Variants in MALT1 observed in about 807,000 individuals in gnomAD.
The protein encoded by MALT1 is mucosa-associated lymphoid tissue lymphoma translocation protein 1.
A neutral mutation model predicts 85.5 loss-of-function variants in MALT1; 36 were observed. The ratio of observed to expected loss-of-function variants is 0.42; its 90% CI spans 0.32 to 0.56. The LOEUF (loss-of-function observed/expected upper bound fraction) is 0.56, where lower values mean the gene tolerates loss of function less well. Ranked by LOEUF, MALT1 falls within the 20% of genes least tolerant of loss-of-function variation. MALT1 has a pLI of 0.10. For missense variants in MALT1, 716 were observed against 981.6 expected, an observed-to-expected ratio of 0.73 and a Z score of 3.62; for synonymous variants, 359 against 361.3, an observed-to-expected ratio of 0.99 and a Z score of 0.07.
intron 4 of MALT1, among the ~76,000 whole-genome samples, chr18:58,709,107 A>G (rs2054796628): frequency 6.6e-6 from 1 of 152,234 alleles, no homozygotes; most frequent in Non-Finnish European, 1.5e-5. Flanking sequence ...TTAATTGACA[A>G]TTCATACTAA....
intron 13 of MALT1, among the ~76,000 whole-genome samples, chr18:58,738,378 C>T (rs2055254514): frequency 6.6e-6 from 1 of 152,046 alleles, no homozygotes; most frequent in Non-Finnish European, 1.5e-5. Context: ...TTTTTTTCAA[C>T]TACTCTCCTG....
chr18:58,747,925 G>C lies in MALT1; in HGVS notation c.*83G>C. On this transcript the variant is annotated 3_prime_UTR_variant, in exon 17 of 17. Transcript: ENST00000649217. ...TACATAAAGTGAGACATTGTGAAAA[G>C]GCAAATTTGTATATGTAGAGAAAGA... 9.1e-7 allele frequency: 1 copy of C among 1,095,878 alleles called. No individual in the cohort carries two copies. Among genetic ancestry groups the C allele is most frequent in the South Asian group, 1.5e-5 (1 of 67,340 alleles). 67.9% of individuals were successfully genotyped at this position (1,095,878 alleles called of 1,614,324 possible). A position where few individuals can be genotyped will look rare whatever the true frequency, so the allele number is the denominator to read the frequency against.
intron 16 of MALT1, among the ~76,000 whole-genome samples, chr18:58,746,008 T>A (rs751476835): frequency 2.2e-4 from 3 of 13,424 alleles, no homozygotes; most frequent in Non-Finnish European, 4.8e-4. Flanking sequence ...TTAGTAACAT[T>A]AGAGTATATT....
At chr18:58,707,274 C>T (rs1470293744) in intron 4 of MALT1, among the ~76,000 whole-genome samples, 1 of 151,708 alleles carries the variant, frequency 6.6e-6, no homozygotes, top group Non-Finnish European at 1.5e-5. Flanking sequence ...GCCTTTTTCT[C>T]CAGATCCTTT....
At chr18:58,715,219 G>T (rs896339335) in intron 8 of MALT1, among the ~76,000 whole-genome samples, 7 of 152,092 alleles carry the variant, frequency 4.6e-5, no homozygotes, top group African/African-American at 1.4e-4. Context: ...TTTCTTTAAT[G>T]AACATTATGA....
intron 14 of MALT1, 35 bp from the exon 15 acceptor site, chr18:58,744,303 A>T (rs1568157342): frequency 6.6e-7 from 1 of 1,519,706 alleles, no homozygotes. Context: ...ATCATCAGAA[A>T]ACCTACCAAA....
At chr18:58,673,991 A>C (rs557487341) in intron 1 of MALT1, 1 of 152,216 alleles carries the variant, frequency 6.6e-6, no homozygotes, top group South Asian at 2.1e-4. Context: ...TAAAATTTTG[A>C]ATTTCTGGAC....
intron 8 of MALT1, 27 bp from the exon 9 acceptor site, chr18:58,715,908 A>C (rs1377276409): frequency 6.5e-7 from 1 of 1,545,358 alleles, no homozygotes; most frequent in Non-Finnish European, 8.9e-7. Context: ...TGGATCTTAC[A>C]TGTTTTGCTT....
intron 2 of MALT1, among the ~76,000 whole-genome samples, chr18:58,685,438 G>A (rs1427630420): frequency 6.6e-6 from 1 of 152,066 alleles, no homozygotes; most frequent in African/African-American, 2.4e-5. Flanking sequence ...ACTGTCATGT[G>A]GAGTTTCTCT....
intron 14 of MALT1, among the ~76,000 whole-genome samples, chr18:58,743,912 G>A (rs774753699): frequency 8.6e-5 from 13 of 151,934 alleles, no homozygotes; most frequent in East Asian, 5.8e-4. Context: ...AAAGCATTAC[G>A]TATATATAAA....
chr18:58,715,341 G>T (rs2054883995), intron 8 of MALT1, among the ~76,000 whole-genome samples: 1 of 152,094 alleles, frequency 6.6e-6, no homozygotes, highest in South Asian at 2.1e-4. Context: ...CAAAAATTTA[G>T]GTTTAAAAGA....
intron 13 of MALT1, 46 bp downstream of exon 13, chr18:58,735,375 G>T (rs375669956): frequency 3.3e-4 from 512 of 1,558,326 alleles, no homozygotes; most frequent in Non-Finnish European, 4.1e-4. Context: ...AAGGAGAGCA[G>T]GGGAGACACA....
At chr18:58,691,035 C>T in intron 2 of MALT1, 1 of 279,264 alleles carries the variant, frequency 3.6e-6, no homozygotes, top group African/African-American at 2.3e-5. Flanking sequence ...ACGTTATCCA[C>T]CACCTGGAAT....
intron 9 of MALT1, among the ~76,000 whole-genome samples, chr18:58,718,818 A>G (rs2054940525): frequency 6.6e-6 from 1 of 152,156 alleles, no homozygotes; most frequent in African/African-American, 2.4e-5. Context: ...AGTCGAGGAG[A>G]GTTAGAGAGG....
rs1318367214 is a variant in MALT1, at chr18:58,754,031, CCTTT to C, written c.*6192_*6195del. The stretch of plus-strand genomic sequence containing the variant: ...AGGCACCAGGGTAGCAGATAGAATG[CCTTT>C]CTGTGTGCTAGGTTTAAACATTTTA... On this transcript the variant is annotated 3_prime_UTR_variant, in exon 17 of 17. Coordinates refer to ENST00000649217, the MANE Select transcript of MALT1 (RefSeq NM_006785.4). 2 of 152,098 alleles carry C rather than the reference CCTTT, an allele frequency of 1.3e-5. No individual in the cohort carries two copies. The highest frequency in any genetic ancestry group is 2.9e-5 in the Non-Finnish European group (2 of 68,020). 9.4% of individuals were successfully genotyped at this position (152,098 alleles called of 1,614,324 possible).
intron 4 of MALT1, among the ~76,000 whole-genome samples, chr18:58,704,076 C>T (rs2054711753): frequency 6.6e-6 from 1 of 152,150 alleles, no homozygotes; most frequent in Non-Finnish European, 1.5e-5. Context: ...ATTCATTCTC[C>T]TGTTGATAGA....
chr18:58,696,576 C>T, intron 3 of MALT1, 89 bp downstream of exon 3: 3 of 1,126,104 alleles, frequency 2.7e-6, no homozygotes, highest in Non-Finnish European at 2.4e-6. Context: ...GTAGTTTTAA[C>T]AGTTTGGTAA....
Position 58,744,191 on chromosome 18 carries a change from G to A in MALT1, c.1754-147G>A, listed in dbSNP as rs576543844. On this transcript the variant is annotated intron_variant, in intron 14 of 16. Transcript: ENST00000649217. ...AAGACTTTGTTTGGCCAGCAGAATAGTGAGCATTATTTTTTAAATTGTATG... is the reference window on the plus strand; with the variant it reads ...AAGACTTTGTTTGGCCAGCAGAATAATGAGCATTATTTTTTAAATTGTATG... The A allele has an allele frequency of 1.7e-5, 8 of 460,756 alleles. No individual in the cohort carries two copies. In the South Asian group the frequency reaches 3.7e-4, roughly 21 times the overall value. 28.5% of individuals were successfully genotyped at this position (460,756 alleles called of 1,614,324 possible).
chr18:58,750,899 G>A lies in MALT1; in HGVS notation c.*3057G>A, dbSNP rs545121536. 23 of 152,278 alleles carry A rather than the reference G, an allele frequency of 1.5e-4. No homozygotes were observed. The highest frequency in any genetic ancestry group is 3.6e-4 in the African/African-American group (15 of 41,548). 9.4% of individuals were successfully genotyped at this position (152,278 alleles called of 1,614,324 possible). A position where few individuals can be genotyped will look rare whatever the true frequency, so the allele number is the denominator to read the frequency against. ...GGACTTCATCAAAATTAACTTTAGC[G>A]CCTTAAAGGACACCATTAAGAAAGT... is the stretch of plus-strand genomic sequence containing the variant. On this transcript the variant is annotated 3_prime_UTR_variant, in exon 17 of 17. Transcript: ENST00000649217.
Sources: allele counts gnomAD v4.1 joint callset (sites outside exome capture counted in the v4.1 genomes callset), GRCh38; gene constraint gnomAD v4.1.1; transcripts MANE v1.5; gene names NCBI Gene and HGNC (gene_info 2026-07-23, HGNC 2026-07-21).